Variants in CDC42BPA observed in about 807,000 individuals in gnomAD.
CDC42BPA encodes the protein serine/threonine-protein kinase MRCK alpha.
A neutral mutation model predicts 223.5 loss-of-function variants in CDC42BPA; 80 were observed. The observed-to-expected ratio is 0.36, with a 90% CI of 0.30 to 0.43. The LOEUF is 0.43. Ranked by LOEUF, CDC42BPA falls within the 20% of genes least tolerant of loss-of-function variation. CDC42BPA has a pLI of 1.00. For missense variants in CDC42BPA, 1,743 were observed against 2,099.9 expected (o/e 0.83, Z 3.32); for synonymous variants, 694 against 718.6 (o/e 0.97, Z 0.55).
At chr1:227,309,804 A>T (rs57733627) in intron 1 of CDC42BPA, among the ~76,000 whole-genome samples, 2 of 152,160 alleles carry the variant, frequency 1.3e-5, no homozygotes, top group Admixed American at 6.5e-5. Context: ...AGTAATTTCA[A>T]GGACTTTAGG....
intron 21 of CDC42BPA, 26 bp from the exon 22 acceptor site, chr1:227,052,011 A>G (rs770186415): frequency 2.3e-6 from 3 of 1,316,934 alleles, no homozygotes; most frequent in Admixed American, 3.8e-5. Flanking sequence ...GGGAAAAATA[A>G]AAACCCAAAA....
intron 4 of CDC42BPA, among the ~76,000 whole-genome samples, chr1:227,196,338 C>CTTTTTTTTTTTTTTTTTTTTTTTTTTTTT (rs34352900): frequency 3.2e-5 from 3 of 92,360 alleles, no homozygotes; most frequent in African/African-American, 4.7e-5. Flanking sequence ...TTAAACAATA[C>CTTTTTTTTTTTTTTTTTTTTTTTTTTTTT]TTTTTTTTTT....
At chr1:227,048,243 G>A (rs2148840365) in intron 22 of CDC42BPA, among the ~76,000 whole-genome samples, 1 of 151,958 alleles carries the variant, frequency 6.6e-6, no homozygotes, top group East Asian at 1.9e-4. Context: ...AGTTACTTTA[G>A]TCTGGAAATA....
At chr1:227,299,502 T>C (rs778092423) in intron 1 of CDC42BPA, among the ~76,000 whole-genome samples, 8 of 152,320 alleles carry the variant, frequency 5.3e-5, no homozygotes, top group Non-Finnish European at 8.8e-5. Flanking sequence ...TAAACTGTCA[T>C]AAATATTTCA....
intron 2 of CDC42BPA, among the ~76,000 whole-genome samples, chr1:227,250,623 A>AGT (rs372698370): frequency 0.12 from 17,873 of 151,054 alleles, 1,216 homozygotes; most frequent in African/African-American, 0.19. Flanking sequence ...TTGAAACTGA[A>AGT]GTGTGTGTGT....
intron 1 of CDC42BPA, among the ~76,000 whole-genome samples, chr1:227,272,565 A>C (rs991349847): frequency 3.9e-5 from 6 of 152,134 alleles, no homozygotes; most frequent in African/African-American, 1.4e-4. Context: ...AGAACACTAT[A>C]ATAGAAAATT....
intron 3 of CDC42BPA, 86 bp from the exon 4 acceptor site, chr1:227,199,738 T>C: frequency 1.5e-6 from 1 of 688,910 alleles, no homozygotes; most frequent in Non-Finnish European, 2.5e-6. Context: ...TTATATTATT[T>C]CTGTTCTGGA....
intron 35 of CDC42BPA, among the ~76,000 whole-genome samples, chr1:227,001,861 C>T (rs1034158176): frequency 5.3e-5 from 8 of 151,938 alleles, no homozygotes; most frequent in Non-Finnish European, 1.0e-4. Context: ...GAGCCAAGAT[C>T]GTGCCACTGC....
At chr1:227,201,510 G>A (rs1298110738) in intron 3 of CDC42BPA, among the ~76,000 whole-genome samples, 1 of 152,090 alleles carries the variant, frequency 6.6e-6, no homozygotes, top group African/African-American at 2.4e-5. Flanking sequence ...ATAACACTAT[G>A]ACAGAAACTT....
chr1:227,009,192 G>A (rs558368638), intron 34 of CDC42BPA, among the ~76,000 whole-genome samples: 3 of 151,994 alleles, frequency 2.0e-5, no homozygotes, highest in South Asian at 2.1e-4. Context: ...AGTAATAAAG[G>A]AATGACAAAA....
At chr1:227,300,388 C>A (rs6668367) in intron 1 of CDC42BPA, among the ~76,000 whole-genome samples, 14,254 of 152,186 alleles carry the variant, frequency 0.094, 845 homozygotes, top group Middle Eastern at 0.17. Flanking sequence ...CAACACAATT[C>A]ACAATTGTAA....
intron 1 of CDC42BPA, among the ~76,000 whole-genome samples, chr1:227,289,927 T>C (rs1173439223): frequency 6.8e-6 from 1 of 147,564 alleles, no homozygotes. Context: ...GGTGTGCACC[T>C]ATAGTCCCAG....
intron 5 of CDC42BPA, among the ~76,000 whole-genome samples, chr1:227,167,290 T>C (rs1271800170): frequency 1.3e-5 from 2 of 152,194 alleles, no homozygotes; most frequent in Non-Finnish European, 2.9e-5. Context: ...GGAATTTGAG[T>C]GCTGAAAAGA....
chr1:227,185,828 A>G (rs1011648427), intron 5 of CDC42BPA, among the ~76,000 whole-genome samples: 1 of 152,146 alleles, frequency 6.6e-6, no homozygotes, highest in Non-Finnish European at 1.5e-5. Context: ...ACAATGATAA[A>G]ACATGTTGTT....
chr1:227,268,609 AGTGT>A (rs1209318501), intron 1 of CDC42BPA, among the ~76,000 whole-genome samples: 4 of 132,956 alleles, frequency 3.0e-5, no homozygotes, highest in African/African-American at 5.5e-5. Context: ...GTGTGTGTAT[AGTGT>A]GTGTATATAT....
At chr1:227,136,475 G>A (rs1336514454) in intron 10 of CDC42BPA, among the ~76,000 whole-genome samples, 4 of 152,196 alleles carry the variant, frequency 2.6e-5, no homozygotes, top group Admixed American at 1.3e-4. Flanking sequence ...AATATCTACA[G>A]AGATTATGGC....
chr1:227,260,027 C>T (rs1513615), intron 1 of CDC42BPA, among the ~76,000 whole-genome samples: 14,717 of 145,364 alleles, frequency 0.1, 1,306 homozygotes, highest in East Asian at 0.36. Context: ...AAGAACTTCC[C>T]ATTTTACAGA....
intron 23 of CDC42BPA, among the ~76,000 whole-genome samples, chr1:227,041,349 T>A (rs1161814585): frequency 2.0e-5 from 3 of 152,156 alleles, no homozygotes; most frequent in Admixed American, 2.0e-4. Flanking sequence ...CATCTTTATG[T>A]CCATGGGTAC....
intron 21 of CDC42BPA, 97 bp downstream of exon 21, chr1:227,069,680 T>A (rs908191733): frequency 1.3e-6 from 1 of 773,744 alleles, no homozygotes; most frequent in African/African-American, 1.8e-5. Context: ...TCCTCTGATG[T>A]GGGAAGCAAT....
Sources: allele counts gnomAD v4.1 joint callset (sites outside exome capture counted in the v4.1 genomes callset), GRCh38; gene constraint gnomAD v4.1.1; transcripts MANE v1.5; gene names NCBI Gene and HGNC (gene_info 2026-07-23, HGNC 2026-07-21).